The following APTX variants were observed in gnomAD, a reference collection of about 807,000 sequenced individuals.
The protein encoded by APTX is aprataxin.
A neutral mutation model predicts 42.3 loss-of-function variants in APTX; 33 were observed. That is an observed-to-expected ratio of 0.78 (90% CI 0.59 to 1.04). APTX has a LOEUF of 1.04. Among genes scored for constraint, APTX ranks in the 50% least tolerant of loss-of-function variants. The pLI is 0.00. For missense variants in APTX, 421 were observed against 415.1 expected (o/e 1.01, Z -0.12); for synonymous variants, 130 against 146.7 (o/e 0.89, Z 0.82).
intron 1 of APTX, among the ~76,000 whole-genome samples, chr9:33,000,845 CTT>C (rs74178838): frequency 1.0e-5 from 1 of 98,828 alleles, no homozygotes; most frequent in Non-Finnish European, 2.0e-5. Context: ...TTTTTTTTTT[CTT>C]TTTTTTTTTT....
intron 1 of APTX, chr9:33,001,230 T>C: frequency 7.9e-7 from 1 of 1,259,090 alleles, no homozygotes; most frequent in Non-Finnish European, 1.0e-6. Context: ...GAAGCATTTC[T>C]GGCGGAAACG....
intron 1 of APTX, among the ~76,000 whole-genome samples, chr9:33,023,705 C>T (rs947583154): frequency 6.6e-6 from 1 of 152,092 alleles, no homozygotes; most frequent in Non-Finnish European, 1.5e-5. Flanking sequence ...GGTGAAAAGG[C>T]GTATATGGGA....
chr9:32,994,769 G>A (rs2118987583), intron 1 of APTX, among the ~76,000 whole-genome samples: 1 of 152,322 alleles, frequency 6.6e-6, no homozygotes, highest in Non-Finnish European at 1.5e-5. Flanking sequence ...ACTTTCACAG[G>A]TAGAGAGAAG....
intron 1 of APTX, chr9:32,990,201 C>T (rs1328516179): frequency 3.7e-6 from 1 of 271,780 alleles, no homozygotes; most frequent in Non-Finnish European, 7.1e-6. Flanking sequence ...GAGACAGAGT[C>T]TCGCTGTGTC....
intron 1 of APTX, chr9:33,024,786 T>G (rs1046017860): frequency 3.4e-5 from 5 of 147,758 alleles, no homozygotes; most frequent in Admixed American, 2.8e-4. Context: ...ATGCTATTGG[T>G]CTGGGGACTA....
chr9:33,004,125 T>C (rs183031429), upstream of APTX, among the ~76,000 whole-genome samples: 3 of 152,348 alleles, frequency 2.0e-5, no homozygotes, highest in East Asian at 5.8e-4. Flanking sequence ...TTGAAGCAAC[T>C]TGAATGGAAC....
chr9:32,973,035 C>T lies in APTX; in HGVS notation c.*463G>A, dbSNP rs1402480453. ...CATGAAGGAAGGGAAAAGAATATTA[C>T]AAAACAGACTAACAGAAAACAAGAC... On this transcript the variant is annotated 3_prime_UTR_variant, in exon 8 of 8. Transcript: ENST00000379817. 4.4e-6 allele frequency: 2 copies of T among 454,258 alleles called. No homozygotes were observed. The highest frequency in any genetic ancestry group is 1.6e-5 in the South Asian group (1 of 64,476). 28.1% of individuals were successfully genotyped at this position (454,258 alleles called of 1,614,324 possible). A position where few individuals can be genotyped will look rare whatever the true frequency, so the allele number is the denominator to read the frequency against.
Position 32,974,526 on chromosome 9 carries a change from T to A in APTX, c.806A>T (p.Asp269Val). The A allele has an allele frequency of 6.2e-7, 1 of 1,611,716 alleles. No homozygotes were observed. Among genetic ancestry groups the A allele is most frequent in the East Asian group, 2.2e-5 (1 of 44,786 alleles). The change falls in exon 7 of 8, where the codon GAT becomes GTT. Residue 269 changes from aspartate (D) to valine (V), a missense_variant. Transcript: ENST00000379817. Reference sequence around the variant, plus strand: ...TTTTTTGTTTTTAAGGCAAGGAGAATCAAAATCCTGGCTGATCACATGAAG... The same window carrying A: ...TTTTTTGTTTTTAAGGCAAGGAGAAACAAAATCCTGGCTGATCACATGAAG... ...VHLHVISQDF[D>V]SPCLKNKKHW...
rs540932540 is a variant in APTX, at chr9:33,013,189, ACTC to A, written c.-5+11831_-5+11833del. 2.6e-3 allele frequency among the ~76,000 whole-genome samples: 401 copies of A among 152,264 alleles called. 3 individuals carry two copies. Among genetic ancestry groups the A allele is most frequent in the Non-Finnish European group, 4.3e-3 (294 of 68,008 alleles). ...TACTAGTGTTTATTTATATGTGGAT[ACTC>A]TTCTGCACACCTTGTACATGTTAAC... On this transcript the variant is annotated intron_variant, in intron 1 of 6. Transcript: ENST00000436040.
At chr9:32,983,149 T>C (rs1401543485) in intron 6 of APTX, among the ~76,000 whole-genome samples, 1 of 152,086 alleles carries the variant, frequency 6.6e-6, no homozygotes, top group African/African-American at 2.4e-5. Flanking sequence ...TTGCCCAGAC[T>C]GGGATCCCTA....
intron 1 of APTX, among the ~76,000 whole-genome samples, chr9:33,010,415 G>C (rs958451731): frequency 5.1e-4 from 78 of 152,156 alleles, no homozygotes; most frequent in African/African-American, 1.9e-3. Context: ...CTACCACAGT[G>C]AACAAAACAA....
chr9:33,024,863 G>GTT (rs1491372617), intron 1 of APTX: 1 of 27,366 alleles, frequency 3.7e-5, no homozygotes, highest in African/African-American at 1.8e-4. Flanking sequence ...CCCGTAAGAG[G>GTT]GGGGGGGGGG....
At chr9:33,006,506 C>T (rs1272761718), upstream of APTX, among the ~76,000 whole-genome samples, 1 of 152,088 alleles carries the variant, frequency 6.6e-6, no homozygotes, top group African/African-American at 2.4e-5. Flanking sequence ...GGCAGAGTAC[C>T]TACCTGATCT....
At chr9:32,999,685 T>TA (rs1373732389) in intron 1 of APTX, among the ~76,000 whole-genome samples, 1 of 152,066 alleles carries the variant, frequency 6.6e-6, no homozygotes, top group East Asian at 1.9e-4. Context: ...AAATAAAAGG[T>TA]AACAAACAGG....
intron 1 of APTX, among the ~76,000 whole-genome samples, chr9:32,996,335 C>T (rs1330626354): frequency 2.0e-5 from 3 of 149,234 alleles, no homozygotes; most frequent in Non-Finnish European, 4.4e-5. Context: ...GGGTGCAGGG[C>T]GTCATCACAG....
chr9:33,024,869 G>GTT (rs1348281615), intron 1 of APTX: 2 of 88,172 alleles, frequency 2.3e-5, no homozygotes, highest in East Asian at 7.8e-4. Context: ...AGAGGGGGGG[G>GTT]GGGGGGGGCA....
chr9:32,976,569 G>C (rs1025429591), intron 6 of APTX, among the ~76,000 whole-genome samples: 1 of 152,160 alleles, frequency 6.6e-6, no homozygotes, highest in African/African-American at 2.4e-5. Flanking sequence ...TATCTGGTCA[G>C]TATAGGTTTC....
intron 1 of APTX, among the ~76,000 whole-genome samples, chr9:33,017,303 A>G (rs1837969122): frequency 6.6e-6 from 1 of 152,216 alleles, no homozygotes. Context: ...GAGCTGCTAT[A>G]ACATGCCATT....
At chr9:33,001,210 T>G (rs965172681) in intron 1 of APTX, 3 of 1,054,360 alleles carry the variant, frequency 2.8e-6, no homozygotes, top group East Asian at 4.6e-5. Flanking sequence ...GTCCCTCAAG[T>G]GCCTTTCACG....
Sources: gnomAD v4.1 joint callset for allele counts (sites outside exome capture counted in the v4.1 genomes callset) on GRCh38, gnomAD v4.1.1 for gene constraint, MANE v1.5 for transcripts, NCBI Gene and HGNC (gene_info 2026-07-23, HGNC 2026-07-21) for gene names.